Variants in NRP1 observed in about 807,000 individuals in gnomAD.
NRP1 encodes neuropilin-1.
Under a neutral mutation model 106.7 loss-of-function variants are expected in NRP1, and 35 were observed. The observed-to-expected ratio is 0.33, with a 90% CI of 0.25 to 0.43. The LOEUF (loss-of-function observed/expected upper bound fraction) is 0.43. NRP1 is among the 20% of genes least tolerant of loss of function. The probability of loss-of-function intolerance (pLI) is 1.00; values close to 1 mark genes in which losing one functional copy is unlikely to be tolerated. For synonymous variants in NRP1, 437 were observed against 417.9 expected (o/e 1.05, Z -0.56); for missense variants, 1,024 against 1,170.4 (o/e 0.87, Z 1.83).
In NRP1 at chr10:33,213,396, C is replaced by G. The variant is rs763657085; in HGVS notation, c.1604G>C (p.Arg535Pro). Residue 535 changes from arginine (R) to proline (P), a missense_variant, in exon 9 of 17, where the codon CGC becomes CCC. Around this residue, in one of 5 missense-constraint regions of NRP1, gnomAD observed 562 missense variants for 620.3 expected, o/e 0.91. Coordinates refer to ENST00000374867, the MANE Select transcript of NRP1 (RefSeq NM_003873.7). ...GTCCCCAGCCCTCACCTTCGCCTTG[C>G]GTTTGCTGTCATCCATGATCATCTT... ...DWKMIMDDSKRKAKSFEGNNN... is the reference protein window; with the variant it reads ...DWKMIMDDSKPKAKSFEGNNN... 1.1e-4 allele frequency: 173 copies of G among 1,613,906 alleles called. No homozygotes were observed. The highest frequency in any genetic ancestry group is 1.4e-4 in the Non-Finnish European group (171 of 1,180,030).
At chr10:33,232,113 G>A (rs896497922) in intron 6 of NRP1, among the ~76,000 whole-genome samples, 12 of 152,130 alleles carry the variant, frequency 7.9e-5, no homozygotes, top group East Asian at 1.9e-4. Context: ...TCTCATCAAC[G>A]TCACATGCTA....
At chr10:33,312,224 T>C (rs1262743172) in intron 2 of NRP1, among the ~76,000 whole-genome samples, 2 of 152,236 alleles carry the variant, frequency 1.3e-5, no homozygotes, top group Non-Finnish European at 2.9e-5. Context: ...TCTTTAGTCT[T>C]TATTGGTGAC....
intron 6 of NRP1, among the ~76,000 whole-genome samples, chr10:33,244,700 T>G (rs1841288684): frequency 6.6e-6 from 1 of 152,144 alleles, no homozygotes; most frequent in South Asian, 2.1e-4. Flanking sequence ...AGACAGCCTT[T>G]TCAACCACAA....
chr10:33,223,622 G>A (rs1839431276), intron 7 of NRP1, among the ~76,000 whole-genome samples: 1 of 152,070 alleles, frequency 6.6e-6, no homozygotes, highest in African/African-American at 2.4e-5. Context: ...AGCAAGACTT[G>A]GTCTCTATTT....
intron 2 of NRP1, among the ~76,000 whole-genome samples, chr10:33,320,956 C>A (rs60036686): frequency 1.1e-3 from 170 of 152,308 alleles, no homozygotes; most frequent in African/African-American, 3.6e-3. Flanking sequence ...TGGCTGCCAT[C>A]TTTCCAAAAG....
chr10:33,179,939 TG>T lies in NRP1; in HGVS notation c.*136del. On this transcript the variant is annotated 3_prime_UTR_variant, in exon 17 of 17. Transcript: ENST00000374867. ...GTCCATGTCTGTCGGCCATACTCAT[TG>T]AAGCTCCTGAGAAAAGCCTGGCTCA... is the stretch of plus-strand genomic sequence containing the variant. The T allele has an allele frequency of 1.2e-6, 1 of 841,422 alleles. No homozygotes were observed. The highest frequency in any genetic ancestry group is 1.6e-5 in the South Asian group (1 of 61,062). The allele number at this position is 841,422 out of a possible 1,614,324, so 52.1% of individuals were successfully genotyped here.
intron 11 of NRP1, among the ~76,000 whole-genome samples, chr10:33,200,155 A>G (rs1439047754): frequency 1.3e-5 from 2 of 152,222 alleles, no homozygotes; most frequent in African/African-American, 4.8e-5. Context: ...CAGTGGTCTT[A>G]TAGGAGAAAG....
intron 2 of NRP1, among the ~76,000 whole-genome samples, chr10:33,302,241 C>G (rs1184825492): frequency 6.6e-6 from 1 of 152,234 alleles, no homozygotes; most frequent in Non-Finnish European, 1.5e-5. Flanking sequence ...CAACACCAAC[C>G]TTCTAACTGT....
chr10:33,234,873 T>C (rs1840438294), intron 6 of NRP1, among the ~76,000 whole-genome samples: 1 of 152,182 alleles, frequency 6.6e-6, no homozygotes, highest in Admixed American at 6.5e-5. Context: ...TCCAGCCAGT[T>C]AGAATAACAT....
chr10:33,302,735 C>G (rs146517575), intron 2 of NRP1, among the ~76,000 whole-genome samples: 10 of 152,248 alleles, frequency 6.6e-5, no homozygotes, highest in African/African-American at 2.4e-4. Flanking sequence ...AAGCAAACAT[C>G]AGTTCAGAAT....
chr10:33,316,758 AG>A (rs1253263048), intron 2 of NRP1, among the ~76,000 whole-genome samples: 1 of 152,222 alleles, frequency 6.6e-6, no homozygotes, highest in Non-Finnish European at 1.5e-5. Flanking sequence ...ATTGCACAAA[AG>A]TTGGAGAAAT....
chr10:33,210,234 G>T (rs1216345928), intron 9 of NRP1, among the ~76,000 whole-genome samples: 1 of 150,392 alleles, frequency 6.6e-6, no homozygotes, highest in Admixed American at 6.6e-5. Context: ...TCGGGGTTCT[G>T]CACTTTTATA....
chr10:33,196,392 C>G (rs377190368), intron 12 of NRP1, among the ~76,000 whole-genome samples: 2 of 152,144 alleles, frequency 1.3e-5, no homozygotes, highest in Non-Finnish European at 2.9e-5. Flanking sequence ...TGGTCACTAC[C>G]CTTCATCCAC....
At chr10:33,256,538 A>G (rs1842209827) in intron 4 of NRP1, 67 bp from the exon 5 acceptor site, 40 of 1,544,926 alleles carry the variant, frequency 2.6e-5, no homozygotes, top group Non-Finnish European at 3.5e-5. Flanking sequence ...AAGAATTAGC[A>G]TTTACAAAGA....
intron 6 of NRP1, among the ~76,000 whole-genome samples, chr10:33,253,280 G>A (rs1263471193): frequency 1.3e-5 from 2 of 152,168 alleles, no homozygotes; most frequent in African/African-American, 4.8e-5. Context: ...TGCCGGCGAT[G>A]AGAGGGGGTA....
intron 2 of NRP1, among the ~76,000 whole-genome samples, chr10:33,322,755 T>C (rs954739132): frequency 3.3e-5 from 5 of 152,256 alleles, no homozygotes; most frequent in African/African-American, 1.2e-4. Context: ...GCTTATTTAA[T>C]CTGAACTTAA....
At position 33,216,144 on chromosome 10, in the gene NRP1, T is replaced by C. The variant is rs542182239; in HGVS notation, c.1283-2427A>G. Among the ~76,000 whole-genome samples the C allele has an allele frequency of 7.3e-5, 11 of 149,844 alleles. No homozygotes were observed. The East Asian group carries it at 7.8e-4, about 11-fold the overall frequency. The stretch of plus-strand genomic sequence containing the variant: ...ATTTCCCTTCTTTCTTTCTTTCTTT[T>C]TTTTTTTTTTTGAGAAGGAGTCTCG... On this transcript the variant is annotated intron_variant, in intron 8 of 16. Coordinates refer to ENST00000374867, the MANE Select transcript of NRP1 (RefSeq NM_003873.7).
intron 5 of NRP1, among the ~76,000 whole-genome samples, chr10:33,255,643 G>T (rs1842146386): frequency 1.3e-5 from 2 of 152,090 alleles, no homozygotes; most frequent in East Asian, 1.9e-4. Context: ...GTAGAGTCAG[G>T]TTCGCATTAT....
intron 2 of NRP1, among the ~76,000 whole-genome samples, chr10:33,292,934 C>T (rs191529393): frequency 1.2e-4 from 18 of 151,002 alleles, no homozygotes; most frequent in African/African-American, 3.6e-4. Context: ...TGCAGTGAGC[C>T]GAGATCGTGC....
Sources: allele counts gnomAD v4.1 joint callset (sites outside exome capture counted in the v4.1 genomes callset), GRCh38; gene constraint gnomAD v4.1.1; regional missense constraint gnomAD v4.1.1; transcripts MANE v1.5; gene names NCBI Gene and HGNC (gene_info 2026-07-23, HGNC 2026-07-21).